BPIFB3: variants seen among roughly 807,000 people sequenced by gnomAD.
BPIFB3 encodes the protein BPI fold containing family B member 3, also known as BPI fold-containing family B member 3.
BPIFB3 carries 49 observed loss-of-function variants against 53.1 expected under a neutral mutation model. The observed-to-expected ratio is 0.92, with a 90% CI of 0.73 to 1.17. The LOEUF (loss-of-function observed/expected upper bound fraction) is 1.17, where lower values mean the gene tolerates loss of function less well. Among genes scored for constraint, BPIFB3 ranks in the 50% most tolerant of loss-of-function variants. The pLI, the probability that BPIFB3 is intolerant of heterozygous loss-of-function variation, is 0.00. For missense variants in BPIFB3, 628 were observed against 592.5 expected, an observed-to-expected ratio of 1.06 and a Z score of -0.62; for synonymous variants, 271 against 269.6, an observed-to-expected ratio of 1.01 and a Z score of -0.05.
At chr20:33,066,525 C>T (rs527452465) in intron 8 of BPIFB3, among the ~76,000 whole-genome samples, 2 of 152,278 alleles carry the variant, frequency 1.3e-5, no homozygotes, top group South Asian at 4.1e-4. Flanking sequence ...AATTGTGTGA[C>T]CCTTGGCAAC....
At chr20:33,072,410 A>G (rs1248956496) in intron 13 of BPIFB3, among the ~76,000 whole-genome samples, 1 of 152,206 alleles carries the variant, frequency 6.6e-6, no homozygotes, top group African/African-American at 2.4e-5. Flanking sequence ...TTAAGCTCCC[A>G]CAGTCTAGTA....
chr20:33,057,688 T>C (rs934597655), intron 2 of BPIFB3, among the ~76,000 whole-genome samples: 22 of 152,098 alleles, frequency 1.4e-4, no homozygotes, highest in Admixed American at 6.5e-5. Flanking sequence ...TGTTTGTCCC[T>C]CACACAGGAC....
Position 33,061,592 on chromosome 20 carries a change from G to A in BPIFB3, c.528-176G>A, listed in dbSNP as rs11906693. On this transcript the variant is annotated intron_variant, in intron 4 of 14. Coordinates refer to ENST00000375494, the Ensembl canonical transcript of BPIFB3. ...GTTGGGGAAAATGAAGCCATCCCCT[G>A]GGTCCCCTCGGGAGGAGGAGCCAGG... Among the ~76,000 whole-genome samples, 1,470 of 152,226 alleles carry A rather than the reference G, an allele frequency of 9.7e-3. 19 individuals carry two copies. Among genetic ancestry groups the A allele is most frequent in the African/African-American group, 0.034 (1,414 of 41,530 alleles).
At chr20:33,063,490 C>T in intron 5 of BPIFB3, 125 bp from the exon 7 acceptor site, 2 of 1,013,180 alleles carry the variant, frequency 2.0e-6, no homozygotes, top group South Asian at 1.4e-5. Context: ...CTGTCTGTCT[C>T]TGCCTTCCGC....
rs41301831 is a variant in BPIFB3 at position 33,068,985 on chromosome 20, A to G, written c.1149+12A>G. On this transcript the variant is annotated intron_variant, in intron 10 of 14. Transcript: ENST00000375494. ...TTGAGCTGAACTCCGTGAGTGGTCAAGGGGTGGCTGGGGGCCCGGCATTGG... is the reference window on the plus strand; with the variant it reads ...TTGAGCTGAACTCCGTGAGTGGTCAGGGGGTGGCTGGGGGCCCGGCATTGG... 2.4e-3 allele frequency: 3,819 copies of G among 1,607,314 alleles called. 12 individuals carry two copies. Among genetic ancestry groups the G allele is most frequent in the Non-Finnish European group, 2.9e-3 (3,396 of 1,174,900 alleles).
chr20:33,056,203 A>T (rs1980194808), intron 1 of BPIFB3, among the ~76,000 whole-genome samples: 1 of 152,020 alleles, frequency 6.6e-6, no homozygotes, highest in Admixed American at 6.5e-5. Context: ...ACTGACCCCA[A>T]CCCAATTTGC....
chr20:33,071,808 C>CA (rs1412101307), intron 12 of BPIFB3, among the ~76,000 whole-genome samples: 5 of 152,192 alleles, frequency 3.3e-5, no homozygotes. Flanking sequence ...TTCCTTCCCT[C>CA]TTTCTTAGGC....
At chr20:33,072,586 G>A in intron 13 of BPIFB3, 131 bp from the exon 15 acceptor site, 1 of 761,114 alleles carries the variant, frequency 1.3e-6, no homozygotes, top group Non-Finnish European at 2.2e-6. Context: ...CCAATAAGAA[G>A]CTGATTCTGT....
chr20:33,061,750 G>T lies in BPIFB3; in HGVS notation c.528-18G>T, dbSNP rs201034978. The T allele has an allele frequency of 3.7e-6, 6 of 1,613,828 alleles. No homozygotes were observed. The highest frequency in any genetic ancestry group is 8.5e-7 in the Non-Finnish European group (1 of 1,179,728). ...GTCCACCTGGCAGCCGCACCCACATGTGTCTCCCTCTGCTCAGGCTGCTGC... is the reference window on the plus strand; with the variant it reads ...GTCCACCTGGCAGCCGCACCCACATTTGTCTCCCTCTGCTCAGGCTGCTGC... On this transcript the variant is annotated intron_variant, in intron 4 of 14. Transcript: ENST00000375494.
chr20:33,070,524 G>C (rs936661603), intron 11 of BPIFB3, among the ~76,000 whole-genome samples: 8 of 152,194 alleles, frequency 5.3e-5, no homozygotes, highest in Non-Finnish European at 1.0e-4. Context: ...AGGCTCACAC[G>C]GCAGGCCGTC....
chr20:33,059,398 C>G (rs761108841), exon 3 of BPIFB3: 1 of 1,612,066 alleles, frequency 6.2e-7, no homozygotes, highest in African/African-American at 1.3e-5. Flanking sequence ...GAGGAGCTCA[C>G]GCTGCCAAAG....
At chr20:33,056,568 C>T (rs1980213943) in exon 2 of BPIFB3, 1 of 1,613,970 alleles carries the variant, frequency 6.2e-7, no homozygotes, top group Non-Finnish European at 8.5e-7. Flanking sequence ...GGTTGGGGAG[C>T]CCATTCTGCA....
At chr20:33,064,527 G>C in exon 7 of BPIFB3, 1 of 1,614,058 alleles carries the variant, frequency 6.2e-7, no homozygotes, top group South Asian at 1.1e-5. Flanking sequence ...TCTCCAACCA[G>C]TACATAGAAC....
At chr20:33,073,582 G>C in exon 15 of BPIFB3, 1 of 1,614,118 alleles carries the variant, frequency 6.2e-7, no homozygotes, top group Non-Finnish European at 8.5e-7. Flanking sequence ...ACAGAATGCT[G>C]TTGTGCTGAC....
chr20:33,055,356 G>C, upstream of BPIFB3: 1 of 1,587,072 alleles, frequency 6.3e-7, no homozygotes, highest in Non-Finnish European at 8.6e-7. Context: ...GCTGATAATG[G>C]GAACAGAGAG....
intron 14 of BPIFB3, 52 bp downstream of exon 15, chr20:33,072,845 A>G (rs1431352382): frequency 7.0e-7 from 1 of 1,431,742 alleles, no homozygotes; most frequent in South Asian, 1.2e-5. Context: ...TTGTCTCTGG[A>G]AAGCTCTGCT....
At chr20:33,065,559 AAAAGAAAG>A (rs10535219) in intron 8 of BPIFB3, among the ~76,000 whole-genome samples, 6 of 149,644 alleles carry the variant, frequency 4.0e-5, no homozygotes, top group African/African-American at 7.4e-5. Flanking sequence ...AAAGAAAAGA[AAAAGAAAG>A]AAAGAGAGAG....
At chr20:33,060,174 C>A in intron 4 of BPIFB3, 143 bp downstream of exon 5, 6 of 1,152,312 alleles carry the variant, frequency 5.2e-6, no homozygotes, top group Middle Eastern at 2.3e-4. Flanking sequence ...CGGTTTCAAC[C>A]CACTTCACAG....
At chr20:33,069,224 G>A (rs1485660292) in intron 10 of BPIFB3, among the ~76,000 whole-genome samples, 1 of 152,010 alleles carries the variant, frequency 6.6e-6, no homozygotes, top group Non-Finnish European at 1.5e-5. Flanking sequence ...TGCTTCTTGG[G>A]GATCTCAGAC....
Sources: gnomAD v4.1 joint callset for allele counts (sites outside exome capture counted in the v4.1 genomes callset) on GRCh38, gnomAD v4.1.1 for gene constraint, MANE v1.5 for transcripts, NCBI Gene and HGNC (gene_info 2026-07-23, HGNC 2026-07-21) for gene names.